The following PMVK variants were observed in gnomAD, a reference collection of about 807,000 sequenced individuals.
PMVK encodes the protein testis tissue sperm-binding protein Li 95mP.
A neutral mutation model predicts 19.0 loss-of-function variants in PMVK; 10 were observed. The ratio of observed to expected loss-of-function variants is 0.53; its 90% confidence interval spans 0.32 to 0.89. The LOEUF (loss-of-function observed/expected upper bound fraction) is 0.89. Ranked by LOEUF, PMVK falls within the 40% of genes least tolerant of loss-of-function variation. PMVK has a pLI of 0.03. For missense variants in PMVK, 222 were observed against 251.1 expected, an observed-to-expected ratio of 0.88 and a Z score of 0.78; for synonymous variants, 108 against 101.6, an observed-to-expected ratio of 1.06 and a Z score of -0.38.
At chr1:154,942,197 C>G in the PMVK span, among the ~76,000 whole-genome samples, 14 of 152,274 alleles carry the variant, frequency 9.2e-5, no homozygotes, top group East Asian at 2.7e-3. Flanking sequence ...GCTAAAAATG[C>G]CAAGTGCTGA....
upstream of PMVK, among the ~76,000 whole-genome samples, chr1:154,940,169 T>C (rs543266258): frequency 1.3e-5 from 2 of 152,360 alleles, no homozygotes; most frequent in Non-Finnish European, 2.9e-5. Flanking sequence ...GTTTGACCCA[T>C]GGGCAATGGA....
chr1:154,926,467 C>T lies in PMVK; in HGVS notation c.329G>A (p.Arg110Gln), dbSNP rs140728783. 520 of 1,613,530 alleles carry T rather than the reference C, an allele frequency of 3.2e-4. No individual in the cohort carries two copies. Among genetic ancestry groups the T allele is most frequent in the Non-Finnish European group, 4.2e-4 (494 of 1,179,728 alleles). The change falls in exon 4 of 5, where the codon CGG becomes CAG. Residue 110 changes from arginine (R) to glutamine (Q), a missense_variant. Arg to Gln is a conservative substitution (Grantham distance 43, BLOSUM62 1). Transcript: ENST00000368467. Reference protein sequence around the residue: ...SQPIWLVSDTRRVSDIQWFRE... With the variant: ...SQPIWLVSDTQRVSDIQWFRE... ...AAACCACTGGATGTCAGACACTCTC[C>T]GTGTGTCACTCACCAGCTGCAGGAG...
intron 1 of PMVK, among the ~76,000 whole-genome samples, chr1:154,934,653 T>G (rs72702218): frequency 0.014 from 2,163 of 152,198 alleles, 23 homozygotes; most frequent in South Asian, 0.037. Flanking sequence ...ATAGCCAACA[T>G]TTAGTTCCTG....
intron 1 of PMVK, among the ~76,000 whole-genome samples, chr1:154,935,993 G>GT (rs1654491617): frequency 6.6e-6 from 1 of 152,096 alleles, no homozygotes; most frequent in Non-Finnish European, 1.5e-5. Flanking sequence ...CACCCGGCCT[G>GT]TTTAACTTTT....
At chr1:154,936,813 G>T, upstream of PMVK, 1 of 839,348 alleles carries the variant, frequency 1.2e-6, no homozygotes, top group South Asian at 1.6e-5. Context: ...CCTCCTCGCC[G>T]TAGCTGCGAA....
chr1:154,930,524 C>G (rs1255427172), intron 2 of PMVK, among the ~76,000 whole-genome samples: 1 of 131,202 alleles, frequency 7.6e-6, no homozygotes, highest in East Asian at 2.7e-4. Context: ...CCTCCCGCCC[C>G]CCACCCAACC....
chr1:154,932,861 G>A (rs769440094), intron 1 of PMVK, among the ~76,000 whole-genome samples: 4 of 152,146 alleles, frequency 2.6e-5, no homozygotes, highest in Non-Finnish European at 4.4e-5. Flanking sequence ...AATACTTTGG[G>A]AGGCCAAGGC....
chr1:154,932,070 G>C (rs1437388376), intron 2 of PMVK, among the ~76,000 whole-genome samples: 1 of 152,180 alleles, frequency 6.6e-6, no homozygotes, highest in Admixed American at 6.6e-5. Flanking sequence ...GGCACAGGCA[G>C]GTCCTTACTA....
At chr1:154,934,020 G>T (rs116205495) in intron 1 of PMVK, among the ~76,000 whole-genome samples, 4,290 of 152,272 alleles carry the variant, frequency 0.028, 199 homozygotes, top group African/African-American at 0.098. Flanking sequence ...CTGTTTTTGA[G>T]ACTGAGTCTC....
intron 2 of PMVK, among the ~76,000 whole-genome samples, chr1:154,930,096 G>A (rs929937738): frequency 1.3e-5 from 2 of 152,194 alleles, no homozygotes; most frequent in African/African-American, 4.8e-5. Flanking sequence ...GGGAGTGGGG[G>A]ATAGAGTGGT....
Position 154,925,031 on chromosome 1 carries a change from G to C in PMVK, c.*98C>G. 15 of 1,044,220 alleles carry C rather than the reference G, an allele frequency of 1.4e-5. No individual in the cohort carries two copies. The highest frequency in any genetic ancestry group is 1.1e-4 in the East Asian group (3 of 27,672). 64.7% of individuals were successfully genotyped at this position (1,044,220 alleles called of 1,614,324 possible). On this transcript the variant is annotated 3_prime_UTR_variant, in exon 5 of 5. Coordinates refer to ENST00000368467, the MANE Select transcript of PMVK (RefSeq NM_006556.4). ...CTCAGAATCTAGACCCCCCCTGTCT[G>C]TTCCTCACCTCGGCCAGGATCGGGG...
chr1:154,931,670 A>G, intron 2 of PMVK, among the ~76,000 whole-genome samples: 1 of 152,102 alleles, frequency 6.6e-6, no homozygotes, highest in East Asian at 1.9e-4. Context: ...ATGAGCAGAT[A>G]TATTTAGAAT....
At chr1:154,930,817 A>G (rs1278898315) in intron 2 of PMVK, among the ~76,000 whole-genome samples, 3 of 152,116 alleles carry the variant, frequency 2.0e-5, no homozygotes, top group Non-Finnish European at 4.4e-5. Flanking sequence ...CAGGTAAAGT[A>G]GCTCCTGCCC....
At chr1:154,935,672 T>C (rs1654481710) in intron 1 of PMVK, among the ~76,000 whole-genome samples, 1 of 152,192 alleles carries the variant, frequency 6.6e-6, no homozygotes. Flanking sequence ...CAAGGGTTTT[T>C]TGTTGTTAAC....
chr1:154,936,468 G>A, intron 1 of PMVK, 123 bp downstream of exon 1: 1 of 1,490,076 alleles, frequency 6.7e-7, no homozygotes. Flanking sequence ...CCAGCCCAGT[G>A]CTCCTCCTGC....
upstream of PMVK, chr1:154,936,809 C>A: frequency 1.2e-6 from 1 of 861,312 alleles, no homozygotes; most frequent in African/African-American, 1.7e-5. Flanking sequence ...CGCCCCTCCT[C>A]GCCGTAGCTG....
At chr1:154,930,439 C>T (rs535704201) in intron 2 of PMVK, among the ~76,000 whole-genome samples, 127 of 152,090 alleles carry the variant, frequency 8.4e-4, no homozygotes, top group African/African-American at 2.9e-3. Context: ...CTAGGCTGGG[C>T]GACAGAGCGA....
At chr1:154,940,246 T>C (rs1399873063), upstream of PMVK, among the ~76,000 whole-genome samples, 1 of 152,270 alleles carries the variant, frequency 6.6e-6, no homozygotes, top group East Asian at 1.9e-4. Flanking sequence ...CTGCCTATCC[T>C]GCTCTAGCCA....
At chr1:154,939,794 C>T (rs193050370), upstream of PMVK, among the ~76,000 whole-genome samples, 83 of 151,968 alleles carry the variant, frequency 5.5e-4, 1 homozygote, top group East Asian at 0.011. Flanking sequence ...GACAGGGTCT[C>T]ACTCTGTGCC....
Sources: allele counts gnomAD v4.1 joint callset (sites outside exome capture counted in the v4.1 genomes callset), GRCh38; gene constraint gnomAD v4.1.1; transcripts MANE v1.5; gene names NCBI Gene and HGNC (gene_info 2026-07-23, HGNC 2026-07-21).